NBAS: variants seen among roughly 807,000 people sequenced by gnomAD.
NBAS encodes the protein NAG/BC035112 fusion.
A neutral mutation model predicts 302.5 loss-of-function variants in NBAS; 219 were observed. The observed-to-expected ratio is 0.72, with a 90% confidence interval of 0.65 to 0.81. NBAS has a LOEUF of 0.81. Among genes scored for constraint, NBAS ranks in the 30% least tolerant of loss-of-function variants. The probability of loss-of-function intolerance (pLI) is 0.00; values close to 1 mark genes in which losing one functional copy is unlikely to be tolerated. For synonymous variants in NBAS, 1,118 were observed against 1,021.6 expected, an observed-to-expected ratio of 1.09 and a Z score of -1.80; for missense variants, 2,932 against 2,841.6, an observed-to-expected ratio of 1.03 and a Z score of -0.72.
the NBAS span, among the ~76,000 whole-genome samples, chr2:15,109,929 T>C: frequency 1.3e-5 from 2 of 152,184 alleles, no homozygotes; most frequent in African/African-American, 4.8e-5. Flanking sequence ...GTCCATTCAA[T>C]GTTTATTGTC....
the NBAS span, among the ~76,000 whole-genome samples, chr2:15,146,264 T>C: frequency 6.6e-6 from 1 of 152,216 alleles, no homozygotes; most frequent in Non-Finnish European, 1.5e-5. Context: ...AAATAGACTA[T>C]GGTGTTTAAA....
At chr2:14,966,491 A>T in the NBAS span, among the ~76,000 whole-genome samples, 2 of 152,190 alleles carry the variant, frequency 1.3e-5, no homozygotes, top group Non-Finnish European at 2.9e-5. Context: ...ACAGCTGCTG[A>T]TACTAAAAGT....
chr2:15,512,535 G>C (rs1424252924), intron 9 of NBAS, among the ~76,000 whole-genome samples: 1 of 152,170 alleles, frequency 6.6e-6, no homozygotes, highest in East Asian at 1.9e-4. Context: ...CAACTGACTT[G>C]AACTTAGGGA....
At chr2:14,802,566 G>T in the NBAS span, among the ~76,000 whole-genome samples, 1 of 151,850 alleles carries the variant, frequency 6.6e-6, no homozygotes, top group Non-Finnish European at 1.5e-5. Context: ...TATAAATCAT[G>T]CTGCTATAAA....
chr2:15,171,977 G>A (rs138188614), intron 51 of NBAS, among the ~76,000 whole-genome samples: 2 of 152,334 alleles, frequency 1.3e-5, no homozygotes, highest in East Asian at 3.9e-4. Flanking sequence ...AAGTCACTTA[G>A]TCTGTGGTAC....
At chr2:15,170,870 A>G (rs988823769) in intron 51 of NBAS, among the ~76,000 whole-genome samples, 19 of 152,208 alleles carry the variant, frequency 1.2e-4, no homozygotes, top group African/African-American at 4.6e-4. Flanking sequence ...TCCTTTCTAC[A>G]TATCAGGGCA....
At chr2:15,489,142 G>T in intron 11 of NBAS, 120 bp from the exon 12 acceptor site, 1 of 1,121,126 alleles carries the variant, frequency 8.9e-7, no homozygotes, top group Non-Finnish European at 1.3e-6. Context: ...TAAGAGTTCT[G>T]CCAGCTTCCT....
chr2:14,899,016 G>T, the NBAS span, among the ~76,000 whole-genome samples: 2 of 152,116 alleles, frequency 1.3e-5, no homozygotes, highest in East Asian at 3.8e-4. Flanking sequence ...TCATCTGGAA[G>T]CTCCACCTGG....
chr2:14,879,717 T>C, the NBAS span, among the ~76,000 whole-genome samples: 1 of 152,148 alleles, frequency 6.6e-6, no homozygotes, highest in African/African-American at 2.4e-5. Context: ...TAGAACACTA[T>C]GCTACAAACT....
At chr2:15,433,938 G>A (rs1205131730) in intron 21 of NBAS, among the ~76,000 whole-genome samples, 3 of 147,346 alleles carry the variant, frequency 2.0e-5, no homozygotes, top group African/African-American at 7.6e-5. Context: ...ATCTCTTCAA[G>A]AAAAAGAAAA....
At chr2:15,444,013 C>G (rs1169773055) in intron 21 of NBAS, among the ~76,000 whole-genome samples, 13 of 151,660 alleles carry the variant, frequency 8.6e-5, no homozygotes, top group Admixed American at 7.2e-4. Context: ...AGGATACAAA[C>G]AAATGGAAGA....
the NBAS span, among the ~76,000 whole-genome samples, chr2:14,991,378 C>A: frequency 3.3e-5 from 5 of 152,058 alleles, no homozygotes; most frequent in African/African-American, 1.2e-4. Context: ...TTGGAGGGAA[C>A]TAAGAAATAA....
chr2:14,838,595 T>A, the NBAS span, among the ~76,000 whole-genome samples: 1 of 152,070 alleles, frequency 6.6e-6, no homozygotes, highest in Non-Finnish European at 1.5e-5. Context: ...TTACATTGTC[T>A]TGTCTGTTGA....
At chr2:15,393,956 A>T (rs1675739625) in intron 28 of NBAS, among the ~76,000 whole-genome samples, 1 of 152,122 alleles carries the variant, frequency 6.6e-6, no homozygotes, top group African/African-American at 2.4e-5. Context: ...GATGAGGAGA[A>T]GGGAGCACGA....
At chr2:14,906,749 G>C in the NBAS span, among the ~76,000 whole-genome samples, 1 of 152,252 alleles carries the variant, frequency 6.6e-6, no homozygotes, top group African/African-American at 2.4e-5. Flanking sequence ...CGATTTTTCT[G>C]ATGTTGCGAT....
intron 38 of NBAS, among the ~76,000 whole-genome samples, chr2:15,325,046 G>C (rs943373250): frequency 6.6e-6 from 1 of 152,148 alleles, no homozygotes; most frequent in Non-Finnish European, 1.5e-5. Flanking sequence ...TTAATACACT[G>C]AGAAATCAGT....
the NBAS span, among the ~76,000 whole-genome samples, chr2:15,070,682 C>T: frequency 6.6e-6 from 1 of 152,264 alleles, no homozygotes; most frequent in East Asian, 1.9e-4. Context: ...AAAATTCCAT[C>T]TCTTCTCACA....
chr2:15,297,321 T>C (rs1273445235), intron 40 of NBAS, among the ~76,000 whole-genome samples: 1 of 152,168 alleles, frequency 6.6e-6, no homozygotes, highest in Non-Finnish European at 1.5e-5. Context: ...ATTGGACCAA[T>C]GTAGACACAG....
the NBAS span, among the ~76,000 whole-genome samples, chr2:14,871,683 CTG>C: frequency 2.6e-5 from 4 of 152,096 alleles, no homozygotes; most frequent in African/African-American, 7.2e-5. Context: ...GTAAAATAGA[CTG>C]TATATAATAT....
Sources: gnomAD v4.1 joint callset for allele counts (sites outside exome capture counted in the v4.1 genomes callset) on GRCh38, gnomAD v4.1.1 for gene constraint, MANE v1.5 for transcripts, NCBI Gene and HGNC (gene_info 2026-07-23, HGNC 2026-07-21) for gene names.